UBA2: variants seen among roughly 807,000 people sequenced by gnomAD.
The protein encoded by UBA2 is SUMO-activating enzyme subunit 2.
Under a neutral mutation model 77.2 loss-of-function variants are expected in UBA2, and 11 were observed. That is an observed-to-expected ratio of 0.14 (90% CI 0.09 to 0.24). UBA2 has a LOEUF of 0.24. UBA2 is among the 10% of genes least tolerant of loss of function. The pLI is 1.00. For missense variants in UBA2, 487 were observed against 781.7 expected, an observed-to-expected ratio of 0.62 and a Z score of 4.50; for synonymous variants, 278 against 276.7, an observed-to-expected ratio of 1.00 and a Z score of -0.05.
At chr19:34,442,090 C>T (rs1300574419) in intron 6 of UBA2, among the ~76,000 whole-genome samples, 3 of 151,764 alleles carry the variant, frequency 2.0e-5, no homozygotes, top group Non-Finnish European at 4.4e-5. Context: ...TAAAAATTAG[C>T]AAGGCATGGT....
At chr19:34,439,345 A>C (rs147388932) in intron 6 of UBA2, among the ~76,000 whole-genome samples, 1 of 152,342 alleles carries the variant, frequency 6.6e-6, no homozygotes, top group African/African-American at 2.4e-5. Flanking sequence ...TTGGTTATAA[A>C]AGAAATCACA....
In UBA2 at chr19:34,466,934, T is replaced by C; in HGVS notation, c.1661T>C (p.Val554Ala). The change falls in exon 16 of 17, where the codon GTG (valine) becomes GCG (alanine). Residue 554 changes from valine (V) to alanine (A), a missense_variant. This residue lies in a region of UBA2 where 300 missense variants were observed against 454.3 expected (regional missense o/e 0.66). Transcript: ENST00000246548. ...FEVVGDAPEK[V>A]GPKQAEDAAK... is the part of the protein sequence containing the mutation. ...GTTGTTGGTGATGCCCCGGAAAAAG[T>C]GGGGCCCAAACAAGCTGAAGATGCT... 1.2e-6 allele frequency: 2 copies of C among 1,613,834 alleles called. No individual in the cohort carries two copies. The highest frequency in any genetic ancestry group is 1.7e-6 in the Non-Finnish European group (2 of 1,179,994).
intron 8 of UBA2, among the ~76,000 whole-genome samples, chr19:34,447,726 G>A (rs961681888): frequency 6.6e-6 from 1 of 152,200 alleles, no homozygotes; most frequent in African/African-American, 2.4e-5. Flanking sequence ...GAGTCTTAAT[G>A]ACATTAAGTT....
chr19:34,458,771 T>A lies in UBA2; in HGVS notation c.1248T>A (p.Ile416=). The change falls in exon 13 of 17, where the codon ATT becomes ATA. Residue 416 remains isoleucine, a splice_region_variant and synonymous_variant. Transcript: ENST00000246548. ...TGCCTGTTATTTCTCCTCCAAAGAT[T>A]TTTTTGAATAAACAACCAAACCCAA... is the stretch of plus-strand genomic sequence containing the variant. ...LSGKIDQCRT[I]FLNKQPNPRK... 1 of 1,608,922 alleles carries A rather than the reference T, an allele frequency of 6.2e-7. No individual in the cohort carries two copies. Among genetic ancestry groups the A allele is most frequent in the Non-Finnish European group, 8.5e-7 (1 of 1,178,478 alleles).
Position 34,442,779 on chromosome 19 carries a change from A to C in UBA2, c.582-1065A>C, listed in dbSNP as rs562513023. On this transcript the variant is annotated intron_variant, in intron 6 of 16. Transcript: ENST00000246548. Reference sequence around the variant, plus strand: ...CAATAAACCTGTTGTAAAGGTGAAAAATCATTGGTGGACCATTTTAAATTA... The same window carrying C: ...CAATAAACCTGTTGTAAAGGTGAAACATCATTGGTGGACCATTTTAAATTA... Among the ~76,000 whole-genome samples, 132 of 152,280 alleles carry C rather than the reference A, an allele frequency of 8.7e-4. 1 individual carries two copies. The highest frequency in any genetic ancestry group is 3.5e-4 in the Non-Finnish European group (24 of 68,024).
Position 34,469,967 on chromosome 19 carries a change from G to A in UBA2, c.*746G>A, listed in dbSNP as rs1008029618. On this transcript the variant is annotated 3_prime_UTR_variant, in exon 17 of 17. Transcript: ENST00000246548. ...TGTCAAATTCTTTTCATTAAAAAAA[G>A]AACTCGGTCGGGCACGGTGGCTCAT... 2 of 152,074 alleles carry A rather than the reference G, an allele frequency of 1.3e-5. No homozygotes were observed. Among genetic ancestry groups the A allele is most frequent in the Admixed American group, 6.6e-5 (1 of 15,198 alleles). 9.4% of individuals were successfully genotyped at this position (152,074 alleles called of 1,614,324 possible).
rs532091337 is a variant in UBA2 at position 34,428,830 on chromosome 19, A to G, written c.138+260A>G. ...GGCCCCCGCCTCCCCGGCAGCGCCA[A>G]TGTGTGGCGCTTCGTGGGCGTGAAG... On this transcript the variant is annotated intron_variant, in intron 1 of 16. Transcript: ENST00000246548. The G allele has an allele frequency of 1.1e-5, 12 of 1,134,502 alleles. No individual in the cohort carries two copies. The Admixed American group carries it at 1.9e-4, about 18-fold the overall frequency. 70.3% of individuals were successfully genotyped at this position (1,134,502 alleles called of 1,614,324 possible). A position where few individuals can be genotyped will look rare whatever the true frequency, so the allele number is the denominator to read the frequency against.
rs1233037299 is a variant in UBA2 at position 34,470,020 on chromosome 19, T to A, written c.*799T>A. 1 of 151,138 alleles carries A rather than the reference T, an allele frequency of 6.6e-6. No homozygotes were observed. Among genetic ancestry groups the A allele is most frequent in the East Asian group, 1.9e-4 (1 of 5,152 alleles). The allele number at this position is 151,138 out of a possible 1,614,324, so 9.4% of individuals were successfully genotyped here. A position where few individuals can be genotyped will look rare whatever the true frequency, so the allele number is the denominator to read the frequency against. ...CTGTAATCCCAGCACTTTGGAAGGC[T>A]GAGGCAGGTGGATCACCTGAGGTCA... On this transcript the variant is annotated 3_prime_UTR_variant, in exon 17 of 17. Transcript: ENST00000246548.
Position 34,469,898 on chromosome 19 carries a change from C to T in UBA2, c.*677C>T, listed in dbSNP as rs1439317407. On this transcript the variant is annotated 3_prime_UTR_variant, in exon 17 of 17. Transcript: ENST00000246548. ...GGCATCTGCATTCTTGTTACACATG[C>T]CTGCACAGTTCCTGTTTCTGCTGCC... 1.3e-5 allele frequency: 2 copies of T among 152,494 alleles called. No individual in the cohort carries two copies. Among genetic ancestry groups the T allele is most frequent in the African/African-American group, 4.8e-5 (2 of 41,396 alleles). The allele number at this position is 152,494 out of a possible 1,614,324, so 9.4% of individuals were successfully genotyped here.
At position 34,431,908 on chromosome 19, in the gene UBA2, T is replaced by G; in HGVS notation, c.270T>G (p.Val90=). Residue 90 remains valine, a synonymous_variant, in exon 3 of 17, where the codon GTT becomes GTG. Coordinates refer to ENST00000246548, the MANE Select transcript of UBA2 (RefSeq NM_005499.3). ...AGTTTTACCCGAAAGCTAATATCGTTGCCTACCATGACAGCATCATGAAGT... is the reference window on the plus strand; with the variant it reads ...AGTTTTACCCGAAAGCTAATATCGTGGCCTACCATGACAGCATCATGAAGT... The part of the protein sequence containing the change: ...VLQFYPKANI[V]AYHDSIMNPD... 2 of 1,614,028 alleles carry G rather than the reference T, an allele frequency of 1.2e-6. No individual in the cohort carries two copies. The highest frequency in any genetic ancestry group is 1.7e-6 in the Non-Finnish European group (2 of 1,179,960).
At chr19:34,457,179 A>AAAAAATAT (rs1262007864) in intron 12 of UBA2, among the ~76,000 whole-genome samples, 7 of 53,222 alleles carry the variant, frequency 1.3e-4, no homozygotes, top group African/African-American at 7.0e-4. Context: ...AAAAAAAAAA[A>AAAAAATAT]ATATATATAT....
At chr19:34,434,415 G>A (rs998144172) in intron 4 of UBA2, among the ~76,000 whole-genome samples, 3 of 152,146 alleles carry the variant, frequency 2.0e-5, no homozygotes, top group South Asian at 4.1e-4. Flanking sequence ...TGCTCCTGGC[G>A]TGAAATTACT....
At chr19:34,439,338 G>A (rs1244987609) in intron 6 of UBA2, among the ~76,000 whole-genome samples, 1 of 152,034 alleles carries the variant, frequency 6.6e-6, no homozygotes, top group Non-Finnish European at 1.5e-5. Context: ...TAACCCATTG[G>A]TTATAAAAGA....
intron 12 of UBA2, 141 bp from the exon 13 acceptor site, chr19:34,458,628 A>T: frequency 9.3e-6 from 4 of 429,396 alleles, no homozygotes; most frequent in Non-Finnish European, 1.2e-5. Context: ...AAAGGTCATG[A>T]TTTTCCTGAT....
chr19:34,456,608 A>G (rs2075565148), intron 12 of UBA2, among the ~76,000 whole-genome samples: 1 of 151,696 alleles, frequency 6.6e-6, no homozygotes, highest in Non-Finnish European at 1.5e-5. Flanking sequence ...CCCAGGCTAG[A>G]GTGCAGTGGC....
chr19:34,441,593 A>G (rs1421738495), intron 6 of UBA2, among the ~76,000 whole-genome samples: 1 of 152,204 alleles, frequency 6.6e-6, no homozygotes, highest in Non-Finnish European at 1.5e-5. Context: ...CACTCAGAAA[A>G]GTATACATAA....
chr19:34,429,215 C>G, intron 1 of UBA2: 3 of 985,416 alleles, frequency 3.0e-6, no homozygotes, highest in Non-Finnish European at 3.6e-6. Flanking sequence ...ATTGCTCTCA[C>G]AGTAGACGGT....
At chr19:34,430,540 A>G (rs2075242114) in intron 1 of UBA2, 36 bp from the exon 2 acceptor site, 15 of 1,525,774 alleles carry the variant, frequency 9.8e-6, no homozygotes, top group African/African-American at 1.4e-5. Context: ...ACATACGTAA[A>G]CGTTTGTCAT....
At chr19:34,460,315 G>T (rs929145007) in intron 13 of UBA2, among the ~76,000 whole-genome samples, 155 bp from the exon 14 acceptor site, 1 of 152,178 alleles carries the variant, frequency 6.6e-6, no homozygotes, top group Admixed American at 6.5e-5. Flanking sequence ...GAATCCCCAC[G>T]GCTTTCCTGC....
Sources: gnomAD v4.1 joint callset for allele counts (sites outside exome capture counted in the v4.1 genomes callset) on GRCh38, gnomAD v4.1.1 for gene constraint, gnomAD v4.1.1 regional missense constraint, MANE v1.5 for transcripts, NCBI Gene and HGNC (gene_info 2026-07-23, HGNC 2026-07-21) for gene names.